Variants in PAFAH1B2 observed in about 807,000 individuals in gnomAD.
The protein encoded by PAFAH1B2 is platelet-activating factor acetylhydrolase IB subunit alpha2.
In PAFAH1B2, 8 loss-of-function variants were observed where a neutral mutation model predicts 28.0. That is an observed-to-expected ratio of 0.29 (90% CI 0.17 to 0.52). The LOEUF is 0.52. PAFAH1B2 is among the 20% of genes least tolerant of loss of function. PAFAH1B2 has a pLI of 0.97. For synonymous variants in PAFAH1B2, 104 were observed against 103.2 expected (o/e 1.01, Z -0.05); for missense variants, 190 against 282.6 (o/e 0.67, Z 2.35).
downstream of PAFAH1B2, among the ~76,000 whole-genome samples, chr11:117,172,969 C>G (rs1423817269): frequency 6.6e-6 from 1 of 152,234 alleles, no homozygotes; most frequent in Non-Finnish European, 1.5e-5. Context: ...TCCCAAAGTT[C>G]TGGGATAACA....
downstream of PAFAH1B2, chr11:117,174,969 C>G: frequency 6.7e-7 from 1 of 1,491,486 alleles, no homozygotes; most frequent in African/African-American, 1.4e-5. Flanking sequence ...CCTCCCTGTC[C>G]TCTCACCCCA....
chr11:117,163,187 C>G (rs1211303780), intron 4 of PAFAH1B2, among the ~76,000 whole-genome samples: 1 of 151,706 alleles, frequency 6.6e-6, no homozygotes, highest in Non-Finnish European at 1.5e-5. Flanking sequence ...GATTTCTGCC[C>G]TGGCTCAACA....
intron 4 of PAFAH1B2, among the ~76,000 whole-genome samples, chr11:117,161,840 C>T (rs1260217869): frequency 6.6e-6 from 1 of 152,010 alleles, no homozygotes; most frequent in African/African-American, 2.4e-5. Context: ...ACGAGGTATG[C>T]TATTCTGTGG....
rs1316710296 is a variant in PAFAH1B2 at position 117,169,456 on chromosome 11, C to T, written c.*1757C>T. On this transcript the variant is annotated 3_prime_UTR_variant, in exon 6 of 6. Transcript: ENST00000527958. ...CTTAATGTTTAAATTCAGTAACGTACTTGAAAGGCAAATTTCAGTGCTTTT... is the reference window on the plus strand; with the variant it reads ...CTTAATGTTTAAATTCAGTAACGTATTTGAAAGGCAAATTTCAGTGCTTTT... The T allele has an allele frequency of 2.8e-5, 29 of 1,046,452 alleles. No individual in the cohort carries two copies. Among genetic ancestry groups the T allele is most frequent in the Non-Finnish European group, 3.2e-5 (28 of 868,276 alleles). The allele number at this position is 1,046,452 out of a possible 1,614,324, so 64.8% of individuals were successfully genotyped here.
rs187669805 is a variant in PAFAH1B2 at position 117,150,381 on chromosome 11, C to G, written c.-7-2060C>G. ...GCCAGGCTGGTCTTGAACTCCTGAC[C>G]TCAAGCGATCCACCTGCTTTGGCTT... is the stretch of plus-strand genomic sequence containing the variant. On this transcript the variant is annotated intron_variant, in intron 1 of 5. Coordinates refer to ENST00000527958, the MANE Select transcript of PAFAH1B2 (RefSeq NM_002572.4). 3.6e-3 allele frequency among the ~76,000 whole-genome samples: 543 copies of G among 151,904 alleles called. 3 individuals are homozygous for G. The highest frequency in any genetic ancestry group is 5.4e-3 in the Non-Finnish European group (366 of 67,964).
Position 117,152,531 on chromosome 11 carries a change from A to G in PAFAH1B2, c.81+3A>G, listed in dbSNP as rs763369366. ...GAGATGACCGATGGATGTCTCAGGTAAAAGGAAGTGCATGTGTATCATTCA... is the reference window on the plus strand; with the variant it reads ...GAGATGACCGATGGATGTCTCAGGTGAAAGGAAGTGCATGTGTATCATTCA... On this transcript the variant is annotated splice_donor_region_variant and intron_variant, in intron 2 of 5. Coordinates refer to ENST00000527958, the MANE Select transcript of PAFAH1B2 (RefSeq NM_002572.4). 5 of 1,592,022 alleles carry G rather than the reference A, an allele frequency of 3.1e-6. No homozygotes were observed. Among genetic ancestry groups the G allele is most frequent in the Admixed American group, 1.7e-5 (1 of 59,962 alleles).
At chr11:117,175,626 G>T, downstream of PAFAH1B2, 1 of 1,235,266 alleles carries the variant, frequency 8.1e-7, no homozygotes. Flanking sequence ...CAGAGCAGTG[G>T]TTCTCAAACT....
In PAFAH1B2 at chr11:117,169,566, A is replaced by T. The variant is rs982420536; in HGVS notation, c.*1867A>T. 5.9e-5 allele frequency: 62 copies of T among 1,055,378 alleles called. No homozygotes were observed. Among genetic ancestry groups the T allele is most frequent in the Non-Finnish European group, 7.0e-5 (61 of 873,016 alleles). 65.4% of individuals were successfully genotyped at this position (1,055,378 alleles called of 1,614,324 possible). On this transcript the variant is annotated 3_prime_UTR_variant, in exon 6 of 6. Coordinates refer to ENST00000527958, the MANE Select transcript of PAFAH1B2 (RefSeq NM_002572.4). ...CCTTGGGCTCATTTTTTTCTTGTGA[A>T]GTCTCTTTCTAGAAAATTTTTTGGT...
intron 2 of PAFAH1B2, among the ~76,000 whole-genome samples, chr11:117,155,990 G>A (rs1956246276): frequency 1.3e-5 from 2 of 152,076 alleles, no homozygotes; most frequent in South Asian, 2.1e-4. Flanking sequence ...CAGAAGTGCA[G>A]CCTAGGAAAC....
At chr11:117,159,833 C>G (rs1342221681) in intron 2 of PAFAH1B2, 101 bp from the exon 3 acceptor site, 4 of 775,666 alleles carry the variant, frequency 5.2e-6, no homozygotes, top group Non-Finnish European at 9.0e-6. Context: ...TCAAGTTATT[C>G]TCCTGTCCTG....
chr11:117,169,428 C>T lies in PAFAH1B2; in HGVS notation c.*1729C>T. 1 of 1,053,080 alleles carries T rather than the reference C, an allele frequency of 9.5e-7. No homozygotes were observed. The highest frequency in any genetic ancestry group is 1.7e-5 in the African/African-American group (1 of 60,480). 65.2% of individuals were successfully genotyped at this position (1,053,080 alleles called of 1,614,324 possible). A position where few individuals can be genotyped will look rare whatever the true frequency, so the allele number is the denominator to read the frequency against. On this transcript the variant is annotated 3_prime_UTR_variant, in exon 6 of 6. Coordinates refer to ENST00000527958, the MANE Select transcript of PAFAH1B2 (RefSeq NM_002572.4). ...CATCAAAATATGCTCTGCAGTGATTCCGCTTAATGTTTAAATTCAGTAACG... is the reference window on the plus strand; with the variant it reads ...CATCAAAATATGCTCTGCAGTGATTTCGCTTAATGTTTAAATTCAGTAACG...
chr11:117,154,932 G>T (rs562198543), intron 2 of PAFAH1B2, among the ~76,000 whole-genome samples: 9 of 152,234 alleles, frequency 5.9e-5, no homozygotes, highest in Admixed American at 3.3e-4. Context: ...GAATGGAGAT[G>T]TTATTCTCTC....
chr11:117,156,440 G>A (rs1323995444), intron 2 of PAFAH1B2, among the ~76,000 whole-genome samples: 1 of 152,138 alleles, frequency 6.6e-6, no homozygotes, highest in Admixed American at 6.6e-5. Context: ...GAATTTGAAT[G>A]TTGGTTTTTC....
At chr11:117,177,523 T>A (rs1053296379), downstream of PAFAH1B2, among the ~76,000 whole-genome samples, 1 of 152,240 alleles carries the variant, frequency 6.6e-6, no homozygotes, top group East Asian at 1.9e-4. Flanking sequence ...TTGGAATATA[T>A]ACGGTTTTAT....
chr11:117,157,032 C>CAAAAA (rs201278098), intron 2 of PAFAH1B2, among the ~76,000 whole-genome samples: 4 of 67,768 alleles, frequency 5.9e-5, no homozygotes, highest in African/African-American at 1.2e-4. Context: ...CTCAAAATCT[C>CAAAAA]AAAAAAGAAA....
chr11:117,153,469 C>A (rs1565263509), intron 2 of PAFAH1B2, among the ~76,000 whole-genome samples: 2 of 152,174 alleles, frequency 1.3e-5, no homozygotes, highest in South Asian at 4.2e-4. Context: ...GCAGCCTCCA[C>A]CCCCCTGCCA....
In PAFAH1B2 at chr11:117,169,854, A is replaced by G. The variant is rs1956608609; in HGVS notation, c.*2155A>G. 10 of 1,054,922 alleles carry G rather than the reference A, an allele frequency of 9.5e-6. No homozygotes were observed. The highest frequency in any genetic ancestry group is 1.7e-5 in the African/African-American group (1 of 60,512). 65.3% of individuals were successfully genotyped at this position (1,054,922 alleles called of 1,614,324 possible). A position where few individuals can be genotyped will look rare whatever the true frequency, so the allele number is the denominator to read the frequency against. On this transcript the variant is annotated 3_prime_UTR_variant, in exon 6 of 6. Coordinates refer to ENST00000527958, the MANE Select transcript of PAFAH1B2 (RefSeq NM_002572.4). ...TTTCTGTTTGTCAGAAGGTGGGAGT[A>G]TGGTCCAAATAAATCCATTAGGTTA...
chr11:117,170,988 A>G lies in PAFAH1B2; in HGVS notation c.*3289A>G, dbSNP rs1180387345. 5.7e-6 allele frequency: 6 copies of G among 1,047,898 alleles called. No homozygotes were observed. The South Asian group carries it at 1.4e-4, about 24-fold the overall frequency. 64.9% of individuals were successfully genotyped at this position (1,047,898 alleles called of 1,614,324 possible). A position where few individuals can be genotyped will look rare whatever the true frequency, so the allele number is the denominator to read the frequency against. ...TTGCTTTGGCAAAGTTTCATTGACT[A>G]GTAGAACTCATTCTGTTTTAGTGTA... On this transcript the variant is annotated 3_prime_UTR_variant, in exon 6 of 6. Coordinates refer to ENST00000527958, the MANE Select transcript of PAFAH1B2 (RefSeq NM_002572.4).
At chr11:117,145,279 T>G (rs1201454522) in intron 1 of PAFAH1B2, among the ~76,000 whole-genome samples, 1 of 152,158 alleles carries the variant, frequency 6.6e-6, no homozygotes, top group African/African-American at 2.4e-5. Flanking sequence ...CTTCTGCTTT[T>G]CATAGCTCGC....
Sources: allele counts gnomAD v4.1 joint callset (sites outside exome capture counted in the v4.1 genomes callset), GRCh38; gene constraint gnomAD v4.1.1; transcripts MANE v1.5; gene names NCBI Gene and HGNC (gene_info 2026-07-23, HGNC 2026-07-21).